RBFOX1: variants seen among roughly 807,000 people sequenced by gnomAD.
The protein encoded by RBFOX1 is RNA binding fox-1 homolog 1, also known as RNA binding protein fox-1 homolog 1.
A neutral mutation model predicts 57.7 loss-of-function variants in RBFOX1; 8 were observed. That is an observed-to-expected ratio of 0.14 (90% CI 0.08 to 0.25). RBFOX1 has a LOEUF of 0.25. RBFOX1 is among the 10% of genes least tolerant of loss of function. RBFOX1 has a pLI of 1.00. For synonymous variants in RBFOX1, 326 were observed against 222.4 expected (o/e 1.47, Z -4.15); for missense variants, 611 against 548.5 (o/e 1.11, Z -1.14).
chr16:7,146,338 C>T (rs1246838115), intron 4 of RBFOX1, among the ~76,000 whole-genome samples: 7 of 152,198 alleles, frequency 4.6e-5, no homozygotes, highest in African/African-American at 1.7e-4. Context: ...AATGCACTTG[C>T]AGTGATGGTC....
intron 3 of RBFOX1, among the ~76,000 whole-genome samples, chr16:6,674,957 G>T (rs1281076903): frequency 6.6e-6 from 1 of 152,078 alleles, no homozygotes; most frequent in Non-Finnish European, 1.5e-5. Context: ...CCAGGCTGGA[G>T]TGCAGTGGCA....
At chr16:7,177,972 C>G (rs962846191) in intron 4 of RBFOX1, among the ~76,000 whole-genome samples, 6 of 152,188 alleles carry the variant, frequency 3.9e-5, no homozygotes, top group African/African-American at 1.4e-4. Context: ...ACAACATGCT[C>G]ACGCTCTGGT....
chr16:7,120,168 A>T (rs2066794905), intron 4 of RBFOX1, among the ~76,000 whole-genome samples: 1 of 152,100 alleles, frequency 6.6e-6, no homozygotes. Flanking sequence ...TACAAAATAT[A>T]TGGTGGGAAG....
At chr16:7,367,885 T>TACACACACACACACACAC (rs34277471) in intron 4 of RBFOX1, among the ~76,000 whole-genome samples, 24 of 148,334 alleles carry the variant, frequency 1.6e-4, no homozygotes, top group African/African-American at 5.9e-4. Flanking sequence ...CATGCGTGCA[T>TACACACACACACACACAC]ACACACACAC....
At chr16:7,141,640 G>A (rs978867869) in intron 4 of RBFOX1, among the ~76,000 whole-genome samples, 6 of 152,120 alleles carry the variant, frequency 3.9e-5, no homozygotes, top group Admixed American at 3.9e-4. Context: ...TTTGTAGTTT[G>A]GATGAGTTAA....
At chr16:7,686,377 G>C (rs374963973) in intron 14 of RBFOX1, among the ~76,000 whole-genome samples, 1 of 151,990 alleles carries the variant, frequency 6.6e-6, no homozygotes, top group Non-Finnish European at 1.5e-5. Flanking sequence ...CTGTGCCTTG[G>C]ATATTTGTTA....
chr16:5,728,919 A>C (rs972119217), intron 3 of RBFOX1, among the ~76,000 whole-genome samples: 3 of 152,062 alleles, frequency 2.0e-5, no homozygotes, highest in African/African-American at 7.2e-5. Flanking sequence ...AGACAATATC[A>C]CCTCTCAACC....
At chr16:5,591,402 C>G (rs1422185954) in intron 2 of RBFOX1, among the ~76,000 whole-genome samples, 1 of 152,066 alleles carries the variant, frequency 6.6e-6, no homozygotes, top group Non-Finnish European at 1.5e-5. Context: ...CAGGCACCCA[C>G]CACTGTGCTC....
intron 4 of RBFOX1, among the ~76,000 whole-genome samples, chr16:7,178,183 C>A (rs1047614820): frequency 6.6e-6 from 1 of 152,204 alleles, no homozygotes; most frequent in African/African-American, 2.4e-5. Context: ...CATGCAAAGC[C>A]CACCATGGGC....
Position 5,256,972 on chromosome 16 carries a change from C to T in RBFOX1, c.219+16867C>T, listed in dbSNP as rs373388364. ...AAAAAAGCAAAGTTAACACTTCCTC[C>T]ATCTCTCTCCTGGGGGAGGCAATTT... On this transcript the variant is annotated intron_variant, in intron 1 of 2. Coordinates refer to the RBFOX1 transcript ENST00000585867. Among the ~76,000 whole-genome samples, 37 of 152,052 alleles carry T rather than the reference C, an allele frequency of 2.4e-4. No homozygotes were observed. The East Asian group carries it at 5.8e-3, about 24-fold the overall frequency.
chr16:6,250,638 T>C (rs2097601964), intron 1 of RBFOX1, among the ~76,000 whole-genome samples: 3 of 152,142 alleles, frequency 2.0e-5, no homozygotes, highest in African/African-American at 2.4e-5. Flanking sequence ...AGAGGGGTCA[T>C]CCCTGTTTAG....
Position 7,567,339 on chromosome 16 carries a change from C to CTATATATA in RBFOX1, c.271-12434_271-12427dup, listed in dbSNP as rs200770655. On this transcript the variant is annotated intron_variant, in intron 5 of 15. Coordinates refer to ENST00000550418, the MANE Select transcript of RBFOX1 (RefSeq NM_018723.4). ...TATATATATCTCCCTATATATGGCC[C>CTATATATA]TATATATATATCCCTATATATGGCC... Among the ~76,000 whole-genome samples, 60 of 111,742 alleles carry CTATATATA rather than the reference C, an allele frequency of 5.4e-4. 1 individual carries two copies. The highest frequency in any genetic ancestry group is 2.3e-3 in the Admixed American group (24 of 10,288). The allele number at this position is 111,742 out of a possible 152,430, so 73.3% of individuals were successfully genotyped here.
intron 3 of RBFOX1, among the ~76,000 whole-genome samples, chr16:6,922,807 A>C (rs921635761): frequency 6.6e-6 from 1 of 152,138 alleles, no homozygotes; most frequent in South Asian, 2.1e-4. Flanking sequence ...AGCGTTCATC[A>C]CAGGTGGGAT....
At chr16:7,683,352 G>A (rs2075339644) in intron 14 of RBFOX1, among the ~76,000 whole-genome samples, 5 of 151,468 alleles carry the variant, frequency 3.3e-5, no homozygotes, top group African/African-American at 1.2e-4. Flanking sequence ...ACACACACAC[G>A]TTAAAAGAAA....
chr16:6,319,843 G>T (rs2081554620), intron 2 of RBFOX1, among the ~76,000 whole-genome samples: 1 of 152,138 alleles, frequency 6.6e-6, no homozygotes, highest in African/African-American at 2.4e-5. Flanking sequence ...AGGTTTCCTT[G>T]ATCTCTATTT....
At chr16:5,583,449 G>A (rs1213587490) in intron 2 of RBFOX1, among the ~76,000 whole-genome samples, 2 of 152,212 alleles carry the variant, frequency 1.3e-5, no homozygotes, top group Admixed American at 6.5e-5. Flanking sequence ...CAAACGCCGA[G>A]CTCTAACCAA....
At chr16:7,658,975 T>C (rs1471230596) in intron 12 of RBFOX1, among the ~76,000 whole-genome samples, 14 of 152,204 alleles carry the variant, frequency 9.2e-5, no homozygotes, top group Non-Finnish European at 1.6e-4. Flanking sequence ...TCTGCCCACC[T>C]CAGCCTCCCA....
chr16:5,948,298 G>C (rs1354118921), intron 4 of RBFOX1, among the ~76,000 whole-genome samples: 2 of 152,144 alleles, frequency 1.3e-5, no homozygotes, highest in East Asian at 1.9e-4. Flanking sequence ...AAGGAGAGGA[G>C]AGGACCAAAA....
intron 14 of RBFOX1, among the ~76,000 whole-genome samples, chr16:7,707,251 A>AC (rs1439729230): frequency 3.9e-5 from 6 of 152,072 alleles, no homozygotes; most frequent in Admixed American, 6.5e-5. Context: ...GTTTTATTCC[A>AC]CCTAGGGTCT....
Sources: allele counts gnomAD v4.1 joint callset (sites outside exome capture counted in the v4.1 genomes callset), GRCh38; gene constraint gnomAD v4.1.1; transcripts MANE v1.5; gene names NCBI Gene and HGNC (gene_info 2026-07-23, HGNC 2026-07-21).